The following PIP5K1B variants were observed in gnomAD, a reference collection of about 807,000 sequenced individuals.
The protein encoded by PIP5K1B is phosphatidylinositol 4-phosphate 5-kinase type-1 beta.
Under a neutral mutation model 67.0 loss-of-function variants are expected in PIP5K1B, and 42 were observed. The observed-to-expected ratio is 0.63, with a 90% CI of 0.49 to 0.81. The LOEUF is 0.81. PIP5K1B is among the 30% of genes least tolerant of loss of function. The probability of loss-of-function intolerance (pLI) is 0.00; values close to 1 mark genes in which losing one functional copy is unlikely to be tolerated. For synonymous variants in PIP5K1B, 214 were observed against 231.4 expected (o/e 0.92, Z 0.68); for missense variants, 459 against 646.3 (o/e 0.71, Z 3.14).
intron 6 of PIP5K1B, among the ~76,000 whole-genome samples, chr9:68,880,924 G>T (rs1432316398): frequency 1.3e-5 from 2 of 152,208 alleles, no homozygotes; most frequent in Non-Finnish European, 2.9e-5. Flanking sequence ...CTCTATCTGG[G>T]ACTGCACCTA....
At chr9:68,893,520 G>T (rs768409894) in intron 7 of PIP5K1B, among the ~76,000 whole-genome samples, 116 of 151,944 alleles carry the variant, frequency 7.6e-4, no homozygotes, top group Admixed American at 1.6e-3. Context: ...TTTTAGTAGA[G>T]ACAGGGTTTC....
intron 15 of PIP5K1B, among the ~76,000 whole-genome samples, chr9:68,995,010 G>A (rs1041209702): frequency 6.6e-6 from 1 of 152,030 alleles, no homozygotes. Flanking sequence ...CATGCTTGGT[G>A]GTGCATGCCT....
chr9:68,953,283 TTTTA>T (rs1409956729), intron 14 of PIP5K1B, among the ~76,000 whole-genome samples: 3 of 152,192 alleles, frequency 2.0e-5, no homozygotes, highest in Non-Finnish European at 4.4e-5. Context: ...TTCGCTGAGA[TTTTA>T]TTTTTTAGCA....
chr9:68,803,931 G>T (rs1476123804), intron 2 of PIP5K1B, among the ~76,000 whole-genome samples: 3 of 152,130 alleles, frequency 2.0e-5, no homozygotes, highest in African/African-American at 7.2e-5. Context: ...CAGTGTCCGT[G>T]CTTCAGAGAA....
At chr9:68,920,635 A>C (rs1012290236) in intron 11 of PIP5K1B, among the ~76,000 whole-genome samples, 1 of 151,826 alleles carries the variant, frequency 6.6e-6, no homozygotes, top group African/African-American at 2.4e-5. Flanking sequence ...CCCAAAGTGC[A>C]GGGATTACAG....
intron 2 of PIP5K1B, among the ~76,000 whole-genome samples, chr9:68,774,812 G>A (rs1697859856): frequency 6.6e-6 from 1 of 152,128 alleles, no homozygotes; most frequent in Non-Finnish European, 1.5e-5. Context: ...TATGTCTGGT[G>A]CCTCTTTTGT....
chr9:68,981,657 G>C (rs2132891852), intron 14 of PIP5K1B, among the ~76,000 whole-genome samples: 1 of 152,276 alleles, frequency 6.6e-6, no homozygotes, highest in South Asian at 2.1e-4. Context: ...ATGAGAATTA[G>C]CTATAAAACA....
intron 4 of PIP5K1B, among the ~76,000 whole-genome samples, chr9:68,853,495 CTGTGTGCTCCCTGG>C (rs1822597342): frequency 6.6e-6 from 1 of 152,176 alleles, no homozygotes; most frequent in Non-Finnish European, 1.5e-5. Flanking sequence ...GAAGAGTGTG[CTGTGTGCTCCCTGG>C]AGCCTGGAGG....
intron 15 of PIP5K1B, among the ~76,000 whole-genome samples, chr9:69,001,792 T>C (rs1426108642): frequency 2.0e-5 from 3 of 152,064 alleles, no homozygotes; most frequent in African/African-American, 7.2e-5. Context: ...CCAAACCATA[T>C]CATGAGGTAA....
At chr9:68,777,867 A>AT (rs907728746) in intron 2 of PIP5K1B, among the ~76,000 whole-genome samples, 2 of 152,110 alleles carry the variant, frequency 1.3e-5, no homozygotes, top group Admixed American at 1.3e-4. Flanking sequence ...CCTAATATTA[A>AT]TTTTTTTGTA....
chr9:68,735,161 A>C (rs1828662378), intron 1 of PIP5K1B, among the ~76,000 whole-genome samples: 1 of 152,084 alleles, frequency 6.6e-6, no homozygotes, highest in African/African-American at 2.4e-5. Context: ...GATTTAGAGC[A>C]CTATTACAAA....
At chr9:68,816,255 A>C (rs1032935310) in intron 2 of PIP5K1B, among the ~76,000 whole-genome samples, 3 of 151,936 alleles carry the variant, frequency 2.0e-5, no homozygotes, top group Non-Finnish European at 2.9e-5. Context: ...CAGCCTCCCG[A>C]GTAGCTGGGA....
chr9:68,785,457 A>G (rs2132475526), intron 2 of PIP5K1B, among the ~76,000 whole-genome samples: 1 of 152,354 alleles, frequency 6.6e-6, no homozygotes, highest in Admixed American at 6.5e-5. Flanking sequence ...TGTAGCCAAG[A>G]CAGAGTTCTT....
At chr9:68,968,311 G>T (rs1346584756) in intron 14 of PIP5K1B, among the ~76,000 whole-genome samples, 1 of 152,178 alleles carries the variant, frequency 6.6e-6, no homozygotes, top group African/African-American at 2.4e-5. Flanking sequence ...CTTGAGGTCA[G>T]GAGTTCGAGA....
chr9:68,710,834 A>G (rs555969203), intron 1 of PIP5K1B, among the ~76,000 whole-genome samples: 1 of 152,354 alleles, frequency 6.6e-6, no homozygotes, highest in South Asian at 2.1e-4. Context: ...TGGGTAATTT[A>G]CATGATGGAT....
intron 7 of PIP5K1B, among the ~76,000 whole-genome samples, chr9:68,889,715 A>G (rs1824673548): frequency 6.8e-6 from 1 of 147,582 alleles, no homozygotes; most frequent in Non-Finnish European, 1.5e-5. Flanking sequence ...AGCCTGGGCG[A>G]CAGAGCGAGA....
intron 14 of PIP5K1B, among the ~76,000 whole-genome samples, chr9:68,952,534 A>G (rs1044441337): frequency 3.3e-5 from 5 of 152,168 alleles, no homozygotes; most frequent in African/African-American, 1.2e-4. Context: ...CACATTTTCC[A>G]GAAGAAAATC....
chr9:68,895,265 T>TTAA (rs748107484), intron 8 of PIP5K1B, among the ~76,000 whole-genome samples: 2 of 121,104 alleles, frequency 1.7e-5, no homozygotes, highest in African/African-American at 6.3e-5. Flanking sequence ...TGCAATGCTT[T>TTAA]AAAAAAAAAA....
intron 1 of PIP5K1B, among the ~76,000 whole-genome samples, chr9:68,714,226 T>A (rs1349287553): frequency 2.6e-5 from 4 of 152,190 alleles, no homozygotes; most frequent in Admixed American, 2.6e-4. Flanking sequence ...AGAATCATGA[T>A]CTGTTTTCTC....
Sources: gnomAD v4.1 joint callset for allele counts (sites outside exome capture counted in the v4.1 genomes callset) on GRCh38, gnomAD v4.1.1 for gene constraint, MANE v1.5 for transcripts, NCBI Gene and HGNC (gene_info 2026-07-23, HGNC 2026-07-21) for gene names.